OPCML: variants seen among roughly 807,000 people sequenced by gnomAD.
OPCML encodes opioid binding protein/cell adhesion molecule like.
Under a neutral mutation model 37.8 loss-of-function variants are expected in OPCML, and 13 were observed. That is an observed-to-expected ratio of 0.34 (90% confidence interval 0.22 to 0.55). The LOEUF is 0.55. OPCML is among the 20% of genes least tolerant of loss of function. OPCML has a pLI of 0.91. For missense variants in OPCML, 341 were observed against 435.6 expected (o/e 0.78, Z 1.93); for synonymous variants, 176 against 168.8 (o/e 1.04, Z -0.33).
intron 4 of OPCML, among the ~76,000 whole-genome samples, chr11:132,517,628 G>A (rs983774968): frequency 6.6e-6 from 1 of 152,194 alleles, no homozygotes; most frequent in Non-Finnish European, 1.5e-5. Context: ...AATTTTATCA[G>A]TGTCTGACTG....
At chr11:132,434,689 T>C (rs1198319450) in intron 7 of OPCML, among the ~76,000 whole-genome samples, 1 of 152,208 alleles carries the variant, frequency 6.6e-6, no homozygotes. Context: ...ATGATTATAA[T>C]AATGATCCCA....
intron 1 of OPCML, among the ~76,000 whole-genome samples, chr11:133,096,373 T>C (rs573826708): frequency 2.2e-4 from 34 of 151,992 alleles, no homozygotes; most frequent in African/African-American, 7.2e-4. Context: ...AAAAGTACAA[T>C]TGAAATGCTA....
chr11:132,778,133 G>A lies in OPCML; in HGVS notation c.147-120814C>T, dbSNP rs549436028. ...CAGATGTGATTAGATAAACGAGGGA[G>A]CAAAGGCATGTTGTGTCATTATAGC... On this transcript the variant is annotated intron_variant, in intron 2 of 7. Transcript: ENST00000524381. Among the ~76,000 whole-genome samples the A allele has an allele frequency of 1.4e-4, 22 of 152,326 alleles. No homozygotes were observed. In the South Asian group the frequency reaches 2.7e-3, roughly 19 times the overall value.
intron 1 of OPCML, among the ~76,000 whole-genome samples, chr11:133,215,821 G>T (rs893768866): frequency 9.2e-5 from 14 of 152,286 alleles, no homozygotes; most frequent in African/African-American, 2.9e-4. Context: ...CGCTGTTCTG[G>T]GTGGCTGCAT....
intron 1 of OPCML, among the ~76,000 whole-genome samples, chr11:132,963,269 CA>C (rs1389066953): frequency 6.6e-6 from 1 of 151,932 alleles, no homozygotes; most frequent in Non-Finnish European, 1.5e-5. Context: ...TTGAACACAA[CA>C]ATCACTACAC....
rs117988090 is a variant in OPCML, at chr11:133,041,420, G to A, written c.62-98410C>T. ...TCTCAATGCATTTGCCTCTCTTTCCGCTGTAGTTGCTGCTGCCACCTCTCC... is the reference window on the plus strand; with the variant it reads ...TCTCAATGCATTTGCCTCTCTTTCCACTGTAGTTGCTGCTGCCACCTCTCC... On this transcript the variant is annotated intron_variant, in intron 1 of 7. Transcript: ENST00000524381. 6.6e-5 allele frequency among the ~76,000 whole-genome samples: 10 copies of A among 152,224 alleles called. No homozygotes were observed. The East Asian group carries it at 9.7e-4, about 15-fold the overall frequency.
At chr11:132,948,122 T>C (rs768159351) in intron 1 of OPCML, among the ~76,000 whole-genome samples, 6 of 152,232 alleles carry the variant, frequency 3.9e-5, no homozygotes, top group Non-Finnish European at 7.3e-5. Flanking sequence ...TTGAGGTTTC[T>C]TGAAATGTAC....
chr11:133,474,877 C>T (rs995114174), intron 1 of OPCML, among the ~76,000 whole-genome samples: 8 of 152,196 alleles, frequency 5.3e-5, no homozygotes, highest in Non-Finnish European at 1.2e-4. Flanking sequence ...CGCCTGCTTC[C>T]TTCAGAGATT....
At chr11:133,488,925 C>A (rs1175428421) in intron 1 of OPCML, among the ~76,000 whole-genome samples, 5 of 110,398 alleles carry the variant, frequency 4.5e-5, no homozygotes, top group Non-Finnish European at 5.1e-5. Context: ...CCCCAAAAGC[C>A]ATGTACCTGC....
intron 1 of OPCML, among the ~76,000 whole-genome samples, chr11:133,069,235 A>G (rs944475789): frequency 2.6e-5 from 4 of 152,230 alleles, no homozygotes; most frequent in Non-Finnish European, 5.9e-5. Context: ...TGAACTATTT[A>G]TAAGTGAAAA....
intron 1 of OPCML, among the ~76,000 whole-genome samples, chr11:133,442,325 A>T (rs185188331): frequency 1.3e-4 from 20 of 152,234 alleles, no homozygotes; most frequent in African/African-American, 4.8e-4. Flanking sequence ...CAAACTTTTT[A>T]TTCTCAAATA....
At position 132,656,334 on chromosome 11, in the gene OPCML, A is replaced by G. The variant is rs1375476259; in HGVS notation, c.379+753T>C. Among the ~76,000 whole-genome samples, 3 of 152,300 alleles carry G rather than the reference A, an allele frequency of 2.0e-5. No homozygotes were observed. In the South Asian group the frequency reaches 6.2e-4, roughly 32 times the overall value. On this transcript the variant is annotated intron_variant, in intron 3 of 7. Coordinates refer to ENST00000524381, the MANE Select transcript of OPCML (RefSeq NM_001012393.5). ...AATATTTAATATCTGAGAATCTGAC[A>G]TTTCTTCAGCCCCATTTTTGAGGTG...
rs532152403 is a variant in OPCML, at chr11:133,326,917, C to T, written c.61+205347G>A. On this transcript the variant is annotated intron_variant, in intron 1 of 7. Coordinates refer to ENST00000524381, the MANE Select transcript of OPCML (RefSeq NM_001012393.5). Reference sequence around the variant, plus strand: ...GAGGTGTGGGTGAGGGTGTGTGGGGCGGCGAGTGTGTGTGTGGGGCGTGGG... The same window carrying T: ...GAGGTGTGGGTGAGGGTGTGTGGGGTGGCGAGTGTGTGTGTGGGGCGTGGG... Among the ~76,000 whole-genome samples the T allele has an allele frequency of 9.6e-3, 434 of 44,984 alleles. 4 individuals carry two copies. The highest frequency in any genetic ancestry group is 0.031 in the African/African-American group (342 of 11,130). 29.5% of individuals were successfully genotyped at this position (44,984 alleles called of 152,430 possible). A position where few individuals can be genotyped will look rare whatever the true frequency, so the allele number is the denominator to read the frequency against.
chr11:132,739,506 C>G (rs747697650), intron 2 of OPCML, among the ~76,000 whole-genome samples: 2 of 152,202 alleles, frequency 1.3e-5, no homozygotes, highest in African/African-American at 2.4e-5. Flanking sequence ...CACCAATCAA[C>G]CAGCTATAGC....
intron 1 of OPCML, among the ~76,000 whole-genome samples, chr11:133,447,068 C>G (rs561614111): frequency 1.3e-5 from 2 of 152,246 alleles, no homozygotes; most frequent in East Asian, 3.9e-4. Flanking sequence ...ATTTCTGTGC[C>G]ATATATTAAG....
chr11:133,020,737 G>A (rs1466947978), intron 1 of OPCML, among the ~76,000 whole-genome samples: 4 of 152,066 alleles, frequency 2.6e-5, no homozygotes, highest in Non-Finnish European at 4.4e-5. Context: ...CTGAGCTATG[G>A]GATAAGACCA....
chr11:132,471,954 CAG>C (rs1420288188), intron 4 of OPCML, among the ~76,000 whole-genome samples: 5 of 152,138 alleles, frequency 3.3e-5, no homozygotes, highest in Non-Finnish European at 7.3e-5. Context: ...GTCTGAAACA[CAG>C]ACACGGTGGA....
intron 2 of OPCML, among the ~76,000 whole-genome samples, chr11:132,822,578 G>A (rs1940062535): frequency 6.6e-6 from 1 of 152,048 alleles, no homozygotes; most frequent in Non-Finnish European, 1.5e-5. Flanking sequence ...CCCAGGGGAT[G>A]GTCCAGTCAG....
At chr11:133,499,561 C>A (rs535641441) in intron 1 of OPCML, among the ~76,000 whole-genome samples, 1 of 151,924 alleles carries the variant, frequency 6.6e-6, no homozygotes, top group African/African-American at 2.4e-5. Context: ...TTTTGAGGCT[C>A]TTTGTGGGCT....
Sources: gnomAD v4.1 joint callset for allele counts (sites outside exome capture counted in the v4.1 genomes callset) on GRCh38, gnomAD v4.1.1 for gene constraint, MANE v1.5 for transcripts, NCBI Gene and HGNC (gene_info 2026-07-23, HGNC 2026-07-21) for gene names.